CCDC158: variants seen among roughly 807,000 people sequenced by gnomAD.
The protein encoded by CCDC158 is coiled-coil domain-containing protein 158.
In CCDC158, 116 loss-of-function variants were observed where a neutral mutation model predicts 138.6. The observed-to-expected ratio is 0.84, with a 90% CI of 0.72 to 0.98. The LOEUF is 0.98. CCDC158 is among the 50% of genes least tolerant of loss of function. The probability of loss-of-function intolerance (pLI) is 0.00; values close to 1 mark genes in which losing one functional copy is unlikely to be tolerated. For missense variants in CCDC158, 1,265 were observed against 1,306.1 expected (o/e 0.97, Z 0.48); for synonymous variants, 436 against 442.4 (o/e 0.99, Z 0.18).
intron 2 of CCDC158, among the ~76,000 whole-genome samples, chr4:76,404,800 G>C (rs1728684111): frequency 6.6e-6 from 1 of 152,044 alleles, no homozygotes; most frequent in African/African-American, 2.4e-5. Context: ...AGAAGCAGGA[G>C]GATAGCTTGA....
chr4:76,360,146 G>A (rs28871024), intron 13 of CCDC158, among the ~76,000 whole-genome samples: 4,034 of 152,350 alleles, frequency 0.026, 176 homozygotes, highest in African/African-American at 0.092. Context: ...CCAAGCCTTG[G>A]CAGCTTCCAT....
Position 76,345,360 on chromosome 4 carries a change from G to A in CCDC158, c.2664+5636C>T, listed in dbSNP as rs558571794. On this transcript the variant is annotated intron_variant, in intron 18 of 24. Transcript: ENST00000682701. Reference sequence around the variant, plus strand: ...GAACTCAAACAAAGCTCTGGATAAGGCCCGGTTAAAGAGCAAAGACGTCAA... The same window carrying A: ...GAACTCAAACAAAGCTCTGGATAAGACCCGGTTAAAGAGCAAAGACGTCAA... The A allele has an allele frequency of 8.7e-5, 96 of 1,104,762 alleles. No individual in the cohort carries two copies. The Admixed American group carries it at 8.9e-4, about 10-fold the overall frequency. The allele number at this position is 1,104,762 out of a possible 1,614,324, so 68.4% of individuals were successfully genotyped here. A position where few individuals can be genotyped will look rare whatever the true frequency, so the allele number is the denominator to read the frequency against.
intron 4 of CCDC158, among the ~76,000 whole-genome samples, chr4:76,392,421 A>T (rs1727398771): frequency 6.6e-6 from 1 of 151,850 alleles, no homozygotes; most frequent in African/African-American, 2.4e-5. Flanking sequence ...AAAGTTAAAC[A>T]TCTTTTCAGG....
intron 19 of CCDC158, 36 bp downstream of exon 19, chr4:76,333,974 G>A: frequency 6.8e-7 from 1 of 1,469,674 alleles, no homozygotes. Context: ...CCATTCAAGA[G>A]ATGAGCTTTC....
chr4:76,408,014 A>G (rs1490965781), intron 2 of CCDC158, among the ~76,000 whole-genome samples: 1 of 152,066 alleles, frequency 6.6e-6, no homozygotes, highest in Non-Finnish European at 1.5e-5. Flanking sequence ...AGTAGTTTAC[A>G]GAAGACAGCA....
chr4:76,322,621 T>C (rs1465631699), intron 24 of CCDC158, among the ~76,000 whole-genome samples: 1 of 152,210 alleles, frequency 6.6e-6, no homozygotes, highest in East Asian at 1.9e-4. Flanking sequence ...TTTCTAGGGA[T>C]AGAAAAGATG....
intron 8 of CCDC158, among the ~76,000 whole-genome samples, chr4:76,380,725 A>G (rs748662201): frequency 1.8e-4 from 27 of 152,346 alleles, no homozygotes; most frequent in Admixed American, 2.6e-4. Flanking sequence ...GAGGTGCAAG[A>G]CAATGGGGAA....
chr4:76,379,328 A>G lies in CCDC158; in HGVS notation c.991T>C (p.Ser331Pro), dbSNP rs758926586. The change falls in exon 9 of 25, where the codon TCT becomes CCT. Residue 331 changes from serine (S) to proline (P), a missense_variant. Coordinates refer to ENST00000682701, the MANE Select transcript of CCDC158 (RefSeq NM_001394954.1). Reference protein sequence around the residue: ...DLESTVSQLRSELREAKRMYE... With the variant: ...DLESTVSQLRPELREAKRMYE... ...ATCCTTTTGGCTTCCCTTAATTCAG[A>G]ACGTAGCTGAGAAACAGTAGATTCC... 6.2e-7 allele frequency: 1 copy of G among 1,610,050 alleles called. No homozygotes were observed.
At chr4:76,373,673 C>T (rs1418714517) in intron 9 of CCDC158, among the ~76,000 whole-genome samples, 1 of 152,026 alleles carries the variant, frequency 6.6e-6, no homozygotes, top group Non-Finnish European at 1.5e-5. Flanking sequence ...ATATATATAT[C>T]CACATATACA....
chr4:76,325,825 T>C (rs1322766540), intron 23 of CCDC158, 32 bp downstream of exon 23: 1 of 1,581,812 alleles, frequency 6.3e-7, no homozygotes, highest in Non-Finnish European at 8.6e-7. Flanking sequence ...GGAAATCAAT[T>C]AATCACGTCA....
At chr4:76,381,223 A>C (rs1726212258) in intron 8 of CCDC158, among the ~76,000 whole-genome samples, 1 of 152,196 alleles carries the variant, frequency 6.6e-6, no homozygotes, top group Non-Finnish European at 1.5e-5. Context: ...AGACCCCAGA[A>C]TGGTAGATCT....
At chr4:76,322,605 T>C (rs1720129523) in intron 24 of CCDC158, among the ~76,000 whole-genome samples, 1 of 152,320 alleles carries the variant, frequency 6.6e-6, no homozygotes, top group East Asian at 1.9e-4. Flanking sequence ...CCCAGCAATT[T>C]ATTGTTTTCT....
At chr4:76,381,859 T>A (rs1726279832) in intron 8 of CCDC158, among the ~76,000 whole-genome samples, 1 of 152,114 alleles carries the variant, frequency 6.6e-6, no homozygotes, top group African/African-American at 2.4e-5. Flanking sequence ...TTTTTTGTAT[T>A]TTTAGTGGAG....
chr4:76,327,983 G>T (rs1300360496), intron 22 of CCDC158, among the ~76,000 whole-genome samples: 8 of 151,858 alleles, frequency 5.3e-5, no homozygotes, highest in Non-Finnish European at 8.8e-5. Flanking sequence ...AATTCCTTTT[G>T]TGTAATTTTC....
intron 15 of CCDC158, 76 bp downstream of exon 15, chr4:76,355,248 G>A: frequency 1.1e-6 from 1 of 926,634 alleles, no homozygotes; most frequent in South Asian, 1.4e-5. Flanking sequence ...TTGCATCTCT[G>A]CTTCATCTTA....
At chr4:76,364,027 G>A (rs1007376262) in intron 12 of CCDC158, among the ~76,000 whole-genome samples, 2 of 151,884 alleles carry the variant, frequency 1.3e-5, no homozygotes, top group Admixed American at 6.6e-5. Context: ...ACTCTAATTC[G>A]GCGTTTCCAA....
chr4:76,315,499 A>G (rs939222236), intron 24 of CCDC158, among the ~76,000 whole-genome samples: 12 of 152,186 alleles, frequency 7.9e-5, no homozygotes, highest in African/African-American at 2.7e-4. Flanking sequence ...CTGGAGGCCA[A>G]CCAACTCCGA....
chr4:76,355,748 T>C (rs1723486671), intron 14 of CCDC158, among the ~76,000 whole-genome samples: 1 of 151,844 alleles, frequency 6.6e-6, no homozygotes, highest in Admixed American at 6.6e-5. Flanking sequence ...TAACATTGAC[T>C]AAACTCATAC....
chr4:76,344,805 C>A (rs1309457079), intron 18 of CCDC158: 1 of 1,604,526 alleles, frequency 6.2e-7, no homozygotes, highest in African/African-American at 1.3e-5. Flanking sequence ...CAATGGTCCT[C>A]GAGAGAAGAT....
Sources: gnomAD v4.1 joint callset for allele counts (sites outside exome capture counted in the v4.1 genomes callset) on GRCh38, gnomAD v4.1.1 for gene constraint, MANE v1.5 for transcripts, NCBI Gene and HGNC (gene_info 2026-07-23, HGNC 2026-07-21) for gene names.